The following ABCC1 variants were observed in gnomAD, a reference collection of about 807,000 sequenced individuals.
ABCC1 encodes the protein multidrug resistance-associated protein 1.
A neutral mutation model predicts 172.9 loss-of-function variants in ABCC1; 83 were observed. The ratio of observed to expected loss-of-function variants is 0.48; its 90% CI spans 0.40 to 0.58. The LOEUF (loss-of-function observed/expected upper bound fraction) is 0.58, where lower values mean the gene tolerates loss of function less well. Among genes scored for constraint, ABCC1 ranks in the 20% least tolerant of loss-of-function variants. The pLI is 0.00. For synonymous variants in ABCC1, 937 were observed against 825.2 expected, an observed-to-expected ratio of 1.14 and a Z score of -2.32; for missense variants, 1,817 against 2,002.7, an observed-to-expected ratio of 0.91 and a Z score of 1.77.
intron 19 of ABCC1, 44 bp downstream of exon 19, chr16:16,090,632 C>CATTGG: frequency 6.6e-7 from 1 of 1,507,764 alleles, no homozygotes; most frequent in Non-Finnish European, 8.9e-7. Flanking sequence ...GTGTCTGGCA[C>CATTGG]CTTGAAGGGC....
intron 21 of ABCC1, among the ~76,000 whole-genome samples, chr16:16,110,503 C>T (rs1160311405): frequency 6.6e-6 from 1 of 152,164 alleles, no homozygotes; most frequent in African/African-American, 2.4e-5. Context: ...CATTCTCTTG[C>T]CTCAGCCTCC....
intron 1 of ABCC1, among the ~76,000 whole-genome samples, chr16:15,996,902 A>G (rs1357730541): frequency 6.6e-6 from 1 of 152,144 alleles, no homozygotes; most frequent in Non-Finnish European, 1.5e-5. Flanking sequence ...CCCAGAAAAC[A>G]TGACGCTATG....
intron 7 of ABCC1, among the ~76,000 whole-genome samples, chr16:16,042,173 GTTTT>G (rs57457665): frequency 1.5e-5 from 2 of 133,802 alleles, no homozygotes; most frequent in African/African-American, 5.4e-5. Flanking sequence ...GAGTTTGGCA[GTTTT>G]TTTTTTTTTT....
intron 19 of ABCC1, among the ~76,000 whole-genome samples, chr16:16,093,249 T>C (rs541976758): frequency 5.3e-5 from 8 of 152,072 alleles, no homozygotes; most frequent in Non-Finnish European, 1.2e-4. Flanking sequence ...ACAATACCCT[T>C]TGTGCTCTCT....
Position 16,141,264 on chromosome 16 carries a change from G to C in ABCC1, c.4579G>C (p.Asp1527His), listed in dbSNP as rs2046117010. 6 of 1,614,026 alleles carry C rather than the reference G, an allele frequency of 3.7e-6. No homozygotes were observed. The highest frequency in any genetic ancestry group is 3.4e-6 in the Non-Finnish European group (4 of 1,180,026). The change falls in exon 31 of 31, where the codon GAC becomes CAC. Residue 1527 changes from aspartate to histidine, a missense_variant. Asp to His is a moderately conservative substitution (Grantham distance 81). Transcript: ENST00000399410. ...QRGLFYSMAK[D>H]AGLV ...AGGTCTTTTCTACAGCATGGCCAAA[G>C]ACGCCGGCTTGGTGTGAGCCCCAGA...
intron 13 of ABCC1, among the ~76,000 whole-genome samples, chr16:16,069,486 G>C (rs1208565337): frequency 6.6e-6 from 1 of 151,986 alleles, no homozygotes; most frequent in African/African-American, 2.4e-5. Context: ...TCACACTTGG[G>C]CACTACTGGA....
chr16:16,121,918 T>G, intron 23 of ABCC1, 57 bp from the exon 24 acceptor site: 1 of 1,586,156 alleles, frequency 6.3e-7, no homozygotes, highest in Non-Finnish European at 8.7e-7. Context: ...AGCCCTGCCC[T>G]GGGAGGATGG....
In ABCC1 at chr16:16,114,809, G is replaced by C; in HGVS notation, c.3123G>C (p.Gly1041=). 1 of 1,608,770 alleles carries C rather than the reference G, an allele frequency of 6.2e-7. No homozygotes were observed. The highest frequency in any genetic ancestry group is 8.5e-7 in the Non-Finnish European group (1 of 1,175,486). ...FGYSMAVSIG[G]ILASRCLHVD... ...ACTCCATGGCCGTGTCCATCGGGGG[G>C]ATCTTGGCTTCCCGCTGTCTGCACG... Residue 1041 remains glycine, a synonymous_variant, in exon 23 of 31, where the codon GGG becomes GGC. Coordinates refer to ENST00000399410, the MANE Select transcript of ABCC1 (RefSeq NM_004996.4).
At chr16:16,080,649 G>A (rs4148354) in intron 16 of ABCC1, among the ~76,000 whole-genome samples, 61,234 of 152,058 alleles carry the variant, frequency 0.4, 14,574 homozygotes, top group Non-Finnish European at 0.53. Flanking sequence ...TCAAAGAAGC[G>A]TGGGAAATAA....
At chr16:15,973,022 T>C (rs1201747088) in intron 1 of ABCC1, among the ~76,000 whole-genome samples, 2 of 152,042 alleles carry the variant, frequency 1.3e-5, no homozygotes, top group African/African-American at 2.4e-5. Context: ...CTTGAACTTG[T>C]GAGTTCAAGT....
intron 15 of ABCC1, among the ~76,000 whole-genome samples, chr16:16,076,797 C>T (rs779378535): frequency 6.6e-6 from 1 of 152,168 alleles, no homozygotes; most frequent in Non-Finnish European, 1.5e-5. Context: ...CCTCACGCAT[C>T]CTCTCCCCTT....
chr16:16,103,397 T>C (rs527698446), intron 20 of ABCC1, among the ~76,000 whole-genome samples: 1 of 151,732 alleles, frequency 6.6e-6, no homozygotes, highest in Admixed American at 6.6e-5. Context: ...CTGGCCAACA[T>C]GATGAAACCC....
intron 5 of ABCC1, among the ~76,000 whole-genome samples, chr16:16,031,960 T>C (rs542483378): frequency 6.6e-6 from 1 of 152,246 alleles, no homozygotes; most frequent in East Asian, 1.9e-4. Flanking sequence ...AATCTTTTCA[T>C]CTCTGGTCCC....
chr16:15,985,043 C>T (rs1238477781), intron 1 of ABCC1, among the ~76,000 whole-genome samples: 1 of 152,082 alleles, frequency 6.6e-6, no homozygotes, highest in Non-Finnish European at 1.5e-5. Context: ...GTAGAGGCCG[C>T]AGTGAGCCAT....
chr16:15,989,933 T>C (rs746715266), intron 1 of ABCC1, among the ~76,000 whole-genome samples: 4 of 151,570 alleles, frequency 2.6e-5, no homozygotes, highest in African/African-American at 4.9e-5. Flanking sequence ...CTGGAGTTCA[T>C]TAGCATAATC....
At chr16:16,033,020 AGCTGACTACTT>A in intron 5 of ABCC1, 78 bp from the exon 6 acceptor site, 1 of 1,275,072 alleles carries the variant, frequency 7.8e-7, no homozygotes, top group Non-Finnish European at 1.1e-6. Flanking sequence ...AAGAGTGAGC[AGCTGACTACTT>A]GCTAAGCTCT....
intron 1 of ABCC1, among the ~76,000 whole-genome samples, chr16:15,965,063 G>GTTAC: frequency 6.6e-6 from 1 of 152,068 alleles, no homozygotes; most frequent in African/African-American, 2.4e-5. Flanking sequence ...ATTAACATTT[G>GTTAC]AGTCTTGTTC....
chr16:15,984,466 T>TA (rs1210865654), intron 1 of ABCC1, among the ~76,000 whole-genome samples: 1 of 151,158 alleles, frequency 6.6e-6, no homozygotes, highest in African/African-American at 2.4e-5. Context: ...TTTTTTGAGA[T>TA]AGAGTCTCGC....
intron 13 of ABCC1, among the ~76,000 whole-genome samples, chr16:16,068,855 C>T (rs1474135727): frequency 6.6e-6 from 1 of 151,788 alleles, no homozygotes; most frequent in African/African-American, 2.4e-5. Flanking sequence ...GGTGTGGTGG[C>T]GGGTCCCTGT....
Sources: gnomAD v4.1 joint callset for allele counts (sites outside exome capture counted in the v4.1 genomes callset) on GRCh38, gnomAD v4.1.1 for gene constraint, MANE v1.5 for transcripts, NCBI Gene and HGNC (gene_info 2026-07-23, HGNC 2026-07-21) for gene names.